Variants in CCDC39 observed in about 807,000 individuals in gnomAD.
CCDC39 encodes the protein coiled-coil domain-containing protein 39.
CCDC39 carries 113 observed loss-of-function variants against 121.0 expected under a neutral mutation model. The observed-to-expected ratio is 0.93, with a 90% CI of 0.80 to 1.09. The LOEUF is 1.09. CCDC39 is among the 50% of genes least tolerant of loss of function. The pLI, the probability that CCDC39 is intolerant of heterozygous loss-of-function variation, is 0.00. For missense variants in CCDC39, 1,063 were observed against 1,074.7 expected (o/e 0.99, Z 0.15); for synonymous variants, 349 against 352.2 (o/e 0.99, Z 0.10).
At chr3:180,673,683 G>A (rs1431801203) in intron 1 of CCDC39, among the ~76,000 whole-genome samples, 1 of 152,120 alleles carries the variant, frequency 6.6e-6, no homozygotes, top group Non-Finnish European at 1.5e-5. Flanking sequence ...CAAGAAAAAC[G>A]AAGGTATGTG....
intron 1 of CCDC39, among the ~76,000 whole-genome samples, chr3:180,666,717 T>C (rs1486760833): frequency 6.6e-6 from 1 of 152,172 alleles, no homozygotes; most frequent in Non-Finnish European, 1.5e-5. Flanking sequence ...CAACATTTTA[T>C]AGCTTCTTTC....
chr3:180,678,746 C>G (rs2108438544), intron 1 of CCDC39, among the ~76,000 whole-genome samples: 1 of 152,134 alleles, frequency 6.6e-6, no homozygotes, highest in East Asian at 1.9e-4. Flanking sequence ...TCTGTGACAA[C>G]TCAATCTTCT....
At position 180,664,899 on chromosome 3, in the gene CCDC39, T is replaced by C. The variant is rs185717860; in HGVS notation, c.91-913A>G. Among the ~76,000 whole-genome samples the C allele has an allele frequency of 5.7e-3, 857 of 150,346 alleles. 3 individuals carry two copies. The highest frequency in any genetic ancestry group is 9.7e-3 in the Non-Finnish European group (653 of 67,540). On this transcript the variant is annotated intron_variant, in intron 1 of 19. Transcript: ENST00000476379. ...TTTTTGGTATTTTTAGTAGAGAAGG[T>C]GTTTCACCATGTTGGCCAGGCTGGT...
chr3:180,617,092 G>C (rs2108404725), intron 16 of CCDC39, 126 bp from the exon 17 acceptor site: 1 of 589,294 alleles, frequency 1.7e-6, no homozygotes, highest in Admixed American at 3.5e-5. Flanking sequence ...TATTTCTGTT[G>C]ATGTACCTCT....
chr3:180,663,226 T>G (rs1488134576), intron 2 of CCDC39, among the ~76,000 whole-genome samples: 1 of 152,164 alleles, frequency 6.6e-6, no homozygotes, highest in Non-Finnish European at 1.5e-5. Flanking sequence ...ATGGCCCCAG[T>G]GAGTTGTGCT....
intron 14 of CCDC39, among the ~76,000 whole-genome samples, chr3:180,624,970 A>C (rs1274531263): frequency 6.6e-6 from 1 of 151,622 alleles, no homozygotes; most frequent in African/African-American, 2.4e-5. Context: ...TTTCACTTTG[A>C]CTTTAGACAT....
chr3:180,616,721 T>C, intron 17 of CCDC39, 26 bp from the exon 18 acceptor site: 2 of 1,574,898 alleles, frequency 1.3e-6, no homozygotes. Flanking sequence ...AGTCAATTAT[T>C]CTATAAACGT....
intron 14 of CCDC39, among the ~76,000 whole-genome samples, chr3:180,621,214 C>T (rs1357083570): frequency 6.6e-6 from 1 of 152,116 alleles, no homozygotes; most frequent in East Asian, 1.9e-4. Flanking sequence ...GTAAACAGTG[C>T]TGCAATAAAC....
intron 7 of CCDC39, among the ~76,000 whole-genome samples, chr3:180,652,769 T>C (rs1711509406): frequency 6.6e-6 from 1 of 152,130 alleles, no homozygotes; most frequent in African/African-American, 2.4e-5. Flanking sequence ...GCAAAAACCC[T>C]AAACTCTCCA....
intron 1 of CCDC39, among the ~76,000 whole-genome samples, chr3:180,672,259 A>G (rs1712070277): frequency 1.3e-5 from 2 of 152,206 alleles, no homozygotes; most frequent in South Asian, 4.1e-4. Context: ...GAAAATTTTA[A>G]GCCCACTCTT....
chr3:180,632,662 G>A (rs1717728413), intron 13 of CCDC39, among the ~76,000 whole-genome samples: 2 of 152,006 alleles, frequency 1.3e-5, no homozygotes, highest in East Asian at 1.9e-4. Context: ...TAGCAGTTCT[G>A]AGAATCAGAA....
At chr3:180,638,595 A>G (rs1717886434) in intron 13 of CCDC39, among the ~76,000 whole-genome samples, 1 of 152,126 alleles carries the variant, frequency 6.6e-6, no homozygotes, top group South Asian at 2.1e-4. Flanking sequence ...AAGACATAAT[A>G]TTAAAAACAA....
At position 180,619,341 on chromosome 3, in the gene CCDC39, T is replaced by C. The variant is rs1266847031; in HGVS notation, c.2183A>G (p.Gln728Arg). The change falls in exon 16 of 20, where the codon CAA becomes CGA. Residue 728 changes from glutamine (Q) to arginine (R), a missense_variant. By Grantham distance (43) the Gln-to-Arg change is conservative. Coordinates refer to ENST00000476379, the MANE Select transcript of CCDC39 (RefSeq NM_181426.2). ...PSSDEYELKI[Q>R]LEEQKRAVDE... Reference sequence around the variant, plus strand: ...AACAGCTCTTTTTTGTTCTTCTAGTTGAATTTTTAGCTCATACTCATCACC... The same window carrying C: ...AACAGCTCTTTTTTGTTCTTCTAGTCGAATTTTTAGCTCATACTCATCACC... The C allele has an allele frequency of 2.0e-6, 3 of 1,535,492 alleles. 1 individual carries two copies. The highest frequency in any genetic ancestry group is 2.4e-5 in the South Asian group (2 of 82,922).
chr3:180,657,150 G>T (rs1560091291), intron 6 of CCDC39, among the ~76,000 whole-genome samples: 1 of 152,122 alleles, frequency 6.6e-6, no homozygotes, highest in Admixed American at 6.6e-5. Flanking sequence ...TAAAACCATA[G>T]AAATCAGAAA....
At chr3:180,644,444 T>G (rs1379534366) in intron 11 of CCDC39, among the ~76,000 whole-genome samples, 187 bp from the exon 12 acceptor site, 1 of 152,186 alleles carries the variant, frequency 6.6e-6, no homozygotes, top group Non-Finnish European at 1.5e-5. Flanking sequence ...CATAGAAACA[T>G]TTTCATTTTT....
chr3:180,643,463 C>A (rs1260935790), intron 12 of CCDC39, among the ~76,000 whole-genome samples: 1 of 151,968 alleles, frequency 6.6e-6, no homozygotes, highest in Non-Finnish European at 1.5e-5. Flanking sequence ...TATTTTTAAA[C>A]CACCAATTTT....
At chr3:180,672,489 A>G (rs1228335535) in intron 1 of CCDC39, among the ~76,000 whole-genome samples, 1 of 152,090 alleles carries the variant, frequency 6.6e-6, no homozygotes, top group Non-Finnish European at 1.5e-5. Context: ...AGCTACTCAG[A>G]AGGCTGAGGA....
intron 1 of CCDC39, among the ~76,000 whole-genome samples, chr3:180,665,504 C>A (rs879672433): frequency 2.0e-4 from 31 of 151,928 alleles, no homozygotes; most frequent in Non-Finnish European, 4.1e-4. Flanking sequence ...ATTTGTATGT[C>A]CTATACTAAT....
chr3:180,672,476 T>C (rs1331353828), intron 1 of CCDC39, among the ~76,000 whole-genome samples: 1 of 151,998 alleles, frequency 6.6e-6, no homozygotes, highest in Non-Finnish European at 1.5e-5. Context: ...TGCCTGTAAT[T>C]CCAGCTACTC....
Sources: gnomAD v4.1 joint callset for allele counts (sites outside exome capture counted in the v4.1 genomes callset) on GRCh38, gnomAD v4.1.1 for gene constraint, MANE v1.5 for transcripts, NCBI Gene and HGNC (gene_info 2026-07-23, HGNC 2026-07-21) for gene names.